MAGI1: variants seen among roughly 807,000 people sequenced by gnomAD.
The protein encoded by MAGI1 is membrane-associated guanylate kinase, WW and PDZ domain-containing protein 1.
Under a neutral mutation model 139.9 loss-of-function variants are expected in MAGI1, and 58 were observed. The observed-to-expected ratio is 0.41, with a 90% CI of 0.34 to 0.52. MAGI1 has a LOEUF of 0.52. Ranked by LOEUF, MAGI1 falls within the 20% of genes least tolerant of loss-of-function variation. The pLI, the probability that MAGI1 is intolerant of heterozygous loss-of-function variation, is 0.12. For missense variants in MAGI1, 1,874 were observed against 1,901.6 expected (o/e 0.99, Z 0.27); for synonymous variants, 812 against 737.9 (o/e 1.10, Z -1.63).
At chr3:65,661,752 T>TG (rs1288269177) in intron 1 of MAGI1, among the ~76,000 whole-genome samples, 2 of 136,724 alleles carry the variant, frequency 1.5e-5, no homozygotes, top group African/African-American at 5.6e-5. Flanking sequence ...TCTGTTTTTT[T>TG]TTTTTTTTTT....
At chr3:65,916,991 G>A (rs2061939860) in intron 1 of MAGI1, among the ~76,000 whole-genome samples, 1 of 152,060 alleles carries the variant, frequency 6.6e-6, no homozygotes, top group Non-Finnish European at 1.5e-5. Flanking sequence ...AAATTTGTCT[G>A]GACTGCCAGG....
In MAGI1 at chr3:65,354,706, G is replaced by C. The variant is rs921546375; in HGVS notation, c.*1672C>G. 2.0e-5 allele frequency: 3 copies of C among 152,462 alleles called. No individual in the cohort carries two copies. Among genetic ancestry groups the C allele is most frequent in the Non-Finnish European group, 4.4e-5 (3 of 68,016 alleles). 9.4% of individuals were successfully genotyped at this position (152,462 alleles called of 1,614,324 possible). A position where few individuals can be genotyped will look rare whatever the true frequency, so the allele number is the denominator to read the frequency against. The stretch of plus-strand genomic sequence containing the variant: ...AGTTTACATTAAAATATATCCCCAT[G>C]AATCAATTTGTTCCATATTCAGAAA... On this transcript the variant is annotated 3_prime_UTR_variant, in exon 23 of 23. Transcript: ENST00000402939.
intron 1 of MAGI1, among the ~76,000 whole-genome samples, chr3:65,990,524 T>G (rs939709067): frequency 6.6e-6 from 1 of 152,164 alleles, no homozygotes; most frequent in African/African-American, 2.4e-5. Context: ...CAAGATTCAT[T>G]CTTCAGATTT....
intron 2 of MAGI1, among the ~76,000 whole-genome samples, chr3:65,515,448 T>C (rs1348246541): frequency 6.6e-6 from 1 of 152,206 alleles, no homozygotes; most frequent in Non-Finnish European, 1.5e-5. Flanking sequence ...TCTAAATGCT[T>C]AAATGAATAC....
intron 1 of MAGI1, among the ~76,000 whole-genome samples, chr3:65,641,010 A>ACC (rs1363803053): frequency 6.6e-6 from 1 of 152,068 alleles, no homozygotes; most frequent in Non-Finnish European, 1.5e-5. Flanking sequence ...CATTCATGTG[A>ACC]CTTTAAATAA....
At chr3:65,794,822 CAACAA>C (rs1281616592) in intron 1 of MAGI1, among the ~76,000 whole-genome samples, 1 of 140,766 alleles carries the variant, frequency 7.1e-6, no homozygotes. Context: ...GAACAAAACA[CAACAA>C]AACAAACCCT....
chr3:65,421,499 A>G (rs1357659269), intron 12 of MAGI1, among the ~76,000 whole-genome samples: 1 of 152,204 alleles, frequency 6.6e-6, no homozygotes, highest in Non-Finnish European at 1.5e-5. Flanking sequence ...AAATACACCA[A>G]GGAGACTTCA....
rs1036916795 is a variant in MAGI1 at position 65,879,209 on chromosome 3, C to T, written c.313+158787G>A. ...AATTTCTCAACTTGTTGATACAAAG[C>T]TAGACATTAAGGTGGAAGCGGAGAG... On this transcript the variant is annotated intron_variant, in intron 1 of 22. Coordinates refer to ENST00000402939, the MANE Select transcript of MAGI1 (RefSeq NM_001033057.2). Among the ~76,000 whole-genome samples the T allele has an allele frequency of 2.0e-5, 3 of 152,196 alleles. No homozygotes were observed. The South Asian group carries it at 6.2e-4, about 32-fold the overall frequency.
chr3:65,359,554 A>G, intron 22 of MAGI1: 1 of 1,004,162 alleles, frequency 1.0e-6, no homozygotes, highest in South Asian at 4.4e-5. Context: ...AATTAAGTAC[A>G]AAAAACTCAT....
intron 1 of MAGI1, among the ~76,000 whole-genome samples, chr3:65,949,874 C>T (rs1247237583): frequency 6.6e-6 from 1 of 151,898 alleles, no homozygotes; most frequent in African/African-American, 2.4e-5. Flanking sequence ...CATGGCGAAA[C>T]CCTGCCTCTG....
At chr3:65,647,626 C>T (rs918156637) in intron 1 of MAGI1, among the ~76,000 whole-genome samples, 3 of 152,054 alleles carry the variant, frequency 2.0e-5, no homozygotes, top group African/African-American at 4.8e-5. Context: ...TTATAATCTA[C>T]AATATTAATA....
chr3:65,425,108 T>TAAAAAAAA (rs72030632), intron 12 of MAGI1, among the ~76,000 whole-genome samples: 2 of 66,574 alleles, frequency 3.0e-5, no homozygotes, highest in South Asian at 3.0e-4. Flanking sequence ...GTAGAACTTC[T>TAAAAAAAA]AAAAAAAAAA....
chr3:65,759,756 G>A lies in MAGI1; in HGVS notation c.314-137668C>T, dbSNP rs537122446. Among the ~76,000 whole-genome samples, 3 of 152,302 alleles carry A rather than the reference G, an allele frequency of 2.0e-5. No individual in the cohort carries two copies. The South Asian group carries it at 6.2e-4, about 32-fold the overall frequency. On this transcript the variant is annotated intron_variant, in intron 1 of 22. Coordinates refer to ENST00000402939, the MANE Select transcript of MAGI1 (RefSeq NM_001033057.2). ...GGGACTAACAAGTTTGTGCTTGAAT[G>A]TGAGATGTGTTCCAGTAAAACTGAT...
intron 1 of MAGI1, among the ~76,000 whole-genome samples, chr3:65,891,923 T>C (rs1246222630): frequency 2.7e-5 from 3 of 109,794 alleles, no homozygotes; most frequent in African/African-American, 1.1e-4. Flanking sequence ...TATATATATA[T>C]ATATATATAT....
intron 1 of MAGI1, among the ~76,000 whole-genome samples, chr3:65,944,115 C>T (rs1313816287): frequency 3.3e-5 from 5 of 152,190 alleles, no homozygotes; most frequent in Non-Finnish European, 7.3e-5. Context: ...GGTTCAACTC[C>T]ATTAAGCAGT....
intron 1 of MAGI1, among the ~76,000 whole-genome samples, chr3:65,930,851 C>T (rs1306284782): frequency 6.6e-6 from 1 of 152,108 alleles, no homozygotes; most frequent in Non-Finnish European, 1.5e-5. Context: ...CAGGAAGTTA[C>T]CGTATATGGT....
intron 1 of MAGI1, among the ~76,000 whole-genome samples, chr3:65,780,707 T>G (rs1057239043): frequency 2.6e-5 from 4 of 152,148 alleles, no homozygotes; most frequent in African/African-American, 9.7e-5. Context: ...TTATGCTCAT[T>G]TGCAGACTTG....
intron 1 of MAGI1, among the ~76,000 whole-genome samples, chr3:66,008,065 T>A (rs763680360): frequency 8.6e-5 from 13 of 151,850 alleles, no homozygotes; most frequent in Admixed American, 3.3e-4. Context: ...CCCAGCTAAT[T>A]TGTGTATTTT....
chr3:65,837,094 A>C (rs1360397625), intron 1 of MAGI1, among the ~76,000 whole-genome samples: 1 of 152,174 alleles, frequency 6.6e-6, no homozygotes, highest in Non-Finnish European at 1.5e-5. Context: ...GACAGAAAAA[A>C]TGAAGGTTTT....
Sources: gnomAD v4.1 joint callset for allele counts (sites outside exome capture counted in the v4.1 genomes callset) on GRCh38, gnomAD v4.1.1 for gene constraint, MANE v1.5 for transcripts, NCBI Gene and HGNC (gene_info 2026-07-23, HGNC 2026-07-21) for gene names.